The following ABHD10 variants were observed in gnomAD, a reference collection of about 807,000 sequenced individuals.
ABHD10 encodes abhydrolase domain containing 10, depalmitoylase, also known as palmitoyl-protein thioesterase ABHD10, mitochondrial.
In ABHD10, 22 loss-of-function variants were observed where a neutral mutation model predicts 33.1. The ratio of observed to expected loss-of-function variants is 0.66; its 90% CI spans 0.47 to 0.95. The LOEUF (loss-of-function observed/expected upper bound fraction) is 0.95, where lower values mean the gene tolerates loss of function less well. Among genes scored for constraint, ABHD10 ranks in the 40% least tolerant of loss-of-function variants. The probability of loss-of-function intolerance (pLI) is 0.00; values close to 1 mark genes in which losing one functional copy is unlikely to be tolerated. For missense variants in ABHD10, 352 were observed against 379.9 expected (o/e 0.93, Z 0.61); for synonymous variants, 146 against 133.9 (o/e 1.09, Z -0.62).
chr3:111,986,929 A>G lies in ABHD10; in HGVS notation c.454A>G (p.Ser152Gly), dbSNP rs752425269. The G allele has an allele frequency of 1.2e-6, 2 of 1,601,178 alleles. No individual in the cohort carries two copies. The highest frequency in any genetic ancestry group is 1.1e-5 in the South Asian group (1 of 88,100). Residue 152 changes from serine (S) to glycine (G), a missense_variant, in exon 4 of 5, where the codon AGC becomes GGC. Physicochemically the swap from Ser to Gly is moderately conservative, Grantham distance 56. Transcript: ENST00000273359. ...ADGPQILVGS[S>G]LGGWLMLHAA... is the part of the protein sequence containing the mutation. Reference sequence around the variant, plus strand: ...TTATTTTTAGATTCTTGTTGGATCTAGCCTTGGAGGGTGGCTTATGCTTCA... The same window carrying G: ...TTATTTTTAGATTCTTGTTGGATCTGGCCTTGGAGGGTGGCTTATGCTTCA...
chr3:111,981,941 C>G lies in ABHD10; in HGVS notation c.300C>G (p.Cys100Trp). The G allele has an allele frequency of 6.4e-7, 1 of 1,574,470 alleles. No individual in the cohort carries two copies. Among genetic ancestry groups the G allele is most frequent in the South Asian group, 1.2e-5 (1 of 85,954 alleles). The change falls in exon 2 of 5, where the codon TGC (cysteine) becomes TGG (tryptophan). Residue 100 changes from cysteine to tryptophan, a missense_variant. Cys to Trp is a radical substitution (Grantham distance 215). Transcript: ENST00000273359. The part of the protein sequence containing the change: ...GTKALAIEEF[C>W]KSLGHACIRF... ...AAGCGTTGGCGATTGAGGAGTTTTG[C>G]AAATCTCTAGGTCACGCCTGCATAA...
chr3:111,982,230 A>T, intron 2 of ABHD10: 1 of 283,808 alleles, frequency 3.5e-6, no homozygotes, highest in East Asian at 5.8e-5. Flanking sequence ...TAGAGGCAAT[A>T]ATGTATGTGA....
chr3:111,979,417 T>A (rs2072550190), intron 1 of ABHD10, among the ~76,000 whole-genome samples: 1 of 152,234 alleles, frequency 6.6e-6, no homozygotes, highest in Non-Finnish European at 1.5e-5. Context: ...CCCCGGGCCC[T>A]CGCTGGCGTT....
intron 1 of ABHD10, among the ~76,000 whole-genome samples, chr3:111,980,936 G>GGAT (rs2072575861): frequency 6.6e-6 from 1 of 152,120 alleles, no homozygotes; most frequent in Non-Finnish European, 1.5e-5. Flanking sequence ...GTAATAAAAA[G>GGAT]GGCACAGCAC....
intron 4 of ABHD10, among the ~76,000 whole-genome samples, chr3:111,988,867 G>A (rs2072706308): frequency 6.6e-6 from 1 of 152,166 alleles, no homozygotes; most frequent in Non-Finnish European, 1.5e-5. Flanking sequence ...TGAGATTAGA[G>A]ACACAAGCCA....
At chr3:111,985,690 G>C (rs1031795238) in intron 2 of ABHD10, among the ~76,000 whole-genome samples, 7 of 152,204 alleles carry the variant, frequency 4.6e-5, no homozygotes, top group Non-Finnish European at 1.0e-4. Context: ...TAATATTTGA[G>C]CCAAAGGCCT....
chr3:111,982,124 C>A (rs2072593016), intron 2 of ABHD10, 157 bp downstream of exon 2: 3 of 645,644 alleles, frequency 4.6e-6, no homozygotes, highest in Non-Finnish European at 6.7e-6. Context: ...ATTTTAAAAG[C>A]AACCTTTAAA....
At position 111,979,075 on chromosome 3, in the gene ABHD10, G is replaced by T; in HGVS notation, c.14G>T (p.Arg5Leu). 2.5e-6 allele frequency: 4 copies of T among 1,613,134 alleles called. No homozygotes were observed. The highest frequency in any genetic ancestry group is 3.4e-6 in the Non-Finnish European group (4 of 1,179,612). Residue 5 changes from arginine (R) to leucine (L), a missense_variant, in exon 1 of 5, where the codon CGC (arginine) becomes CTC (leucine). Physicochemically the swap from Arg to Leu is moderately radical, Grantham distance 102. Coordinates refer to ENST00000273359, the MANE Select transcript of ABHD10 (RefSeq NM_018394.4). ...ACAACTACGAAGATGGCGGTTGCGCGCTTGGCAGCTGTGGCGGCCTGGGTA... is the reference window on the plus strand; with the variant it reads ...ACAACTACGAAGATGGCGGTTGCGCTCTTGGCAGCTGTGGCGGCCTGGGTA... MAVA[R>L]LAAVAAWVPC... is the part of the protein sequence containing the mutation.
At chr3:111,990,775 T>C in intron 4 of ABHD10, 1 of 1,187,774 alleles carries the variant, frequency 8.4e-7, no homozygotes, top group Non-Finnish European at 1.1e-6. Context: ...TGTTACAATG[T>C]AATTACTCTT....
At chr3:111,981,311 C>CAAAAA (rs11301143) in intron 1 of ABHD10, among the ~76,000 whole-genome samples, 15 of 91,182 alleles carry the variant, frequency 1.6e-4, no homozygotes, top group South Asian at 4.0e-4. Context: ...GACCCTGTCT[C>CAAAAA]AAAAAAAAAA....
At chr3:111,980,011 T>C (rs1484837718) in intron 1 of ABHD10, among the ~76,000 whole-genome samples, 1 of 152,256 alleles carries the variant, frequency 6.6e-6, no homozygotes, top group Non-Finnish European at 1.5e-5. Flanking sequence ...AGTATGTCAA[T>C]TCATTAACCA....
chr3:111,987,667 GT>G (rs2072685510), intron 4 of ABHD10, among the ~76,000 whole-genome samples: 1 of 152,124 alleles, frequency 6.6e-6, no homozygotes, highest in Non-Finnish European at 1.5e-5. Flanking sequence ...ATACTGTATC[GT>G]TTAGGGAATA....
chr3:111,979,923 TTA>T (rs1439409418), intron 1 of ABHD10, among the ~76,000 whole-genome samples: 1 of 152,232 alleles, frequency 6.6e-6, no homozygotes, highest in Non-Finnish European at 1.5e-5. Flanking sequence ...TTTTAAACTT[TTA>T]TAATCAGATT....
intron 1 of ABHD10, among the ~76,000 whole-genome samples, chr3:111,980,136 C>T (rs1004989276): frequency 2.1e-4 from 32 of 152,076 alleles, no homozygotes; most frequent in Non-Finnish European, 4.6e-4. Context: ...ATGAATCTGT[C>T]TACTTAGAAC....
At position 111,987,006 on chromosome 3, in the gene ABHD10, A is replaced by T; in HGVS notation, c.531A>T (p.Thr177=). Residue 177 remains threonine, a synonymous_variant, in exon 4 of 5, where the codon ACA becomes ACT. Transcript: ENST00000273359. Reference sequence around the variant, plus strand: ...TCGTGGCTCTTATTGGTGTAGCTACAGCTGCAGATACCTTAGTGACAAAGT... The same window carrying T: ...TCGTGGCTCTTATTGGTGTAGCTACTGCTGCAGATACCTTAGTGACAAAGT... ...EKVVALIGVA[T]AADTLVTKFN... The T allele has an allele frequency of 6.2e-7, 1 of 1,613,262 alleles. No homozygotes were observed. Among genetic ancestry groups the T allele is most frequent in the Non-Finnish European group, 8.5e-7 (1 of 1,179,842 alleles).
chr3:111,980,759 A>G (rs1321051886), intron 1 of ABHD10, among the ~76,000 whole-genome samples: 2 of 152,238 alleles, frequency 1.3e-5, no homozygotes, highest in African/African-American at 2.4e-5. Flanking sequence ...AAGTGATTGC[A>G]TAGGTCTATA....
Position 111,979,211 on chromosome 3 carries a change from T to C in ABHD10, c.142+8T>C. 2 of 1,592,584 alleles carry C rather than the reference T, an allele frequency of 1.3e-6. No individual in the cohort carries two copies. The highest frequency in any genetic ancestry group is 2.7e-5 in the African/African-American group (2 of 74,456). On this transcript the variant is annotated splice_region_variant and intron_variant, in intron 1 of 4. Coordinates refer to ENST00000273359, the MANE Select transcript of ABHD10 (RefSeq NM_018394.4). ...CGCCACGGTGGCTCCCAGGTCAGTG[T>C]CCGAAAGGCGGGAGTAGGATGCGTT... is the stretch of plus-strand genomic sequence containing the variant.
intron 1 of ABHD10, 51 bp downstream of exon 1, chr3:111,979,254 T>C: frequency 6.5e-7 from 1 of 1,549,728 alleles, no homozygotes; most frequent in Non-Finnish European, 8.7e-7. Flanking sequence ...ACGCCTCGGG[T>C]TCCGTCAGTT....
chr3:111,979,310 C>T lies in ABHD10; in HGVS notation c.142+107C>T, dbSNP rs2072546709. ...CTTTGGCGCCCGGTTCAAAAATGCT[C>T]CTCCCCCTTTCTCAACACCCCAGTT... On this transcript the variant is annotated intron_variant, in intron 1 of 4. Transcript: ENST00000273359. The T allele has an allele frequency of 3.8e-6, 5 of 1,323,164 alleles. No homozygotes were observed. In the Admixed American group the frequency reaches 1.4e-4, roughly 37 times the overall value. The allele number at this position is 1,323,164 out of a possible 1,614,324, so 82.0% of individuals were successfully genotyped here. A position where few individuals can be genotyped will look rare whatever the true frequency, so the allele number is the denominator to read the frequency against.
Sources: allele counts gnomAD v4.1 joint callset (sites outside exome capture counted in the v4.1 genomes callset), GRCh38; gene constraint gnomAD v4.1.1; transcripts MANE v1.5; gene names NCBI Gene and HGNC (gene_info 2026-07-23, HGNC 2026-07-21).